Variants in FANCD2 observed in about 807,000 individuals in gnomAD.
FANCD2 encodes Fanconi anemia group D2 protein.
FANCD2 carries 131 observed loss-of-function variants against 192.3 expected under a neutral mutation model. The observed-to-expected ratio is 0.68, with a 90% CI of 0.59 to 0.79. The LOEUF (loss-of-function observed/expected upper bound fraction) is 0.79. Among genes scored for constraint, FANCD2 ranks in the 30% least tolerant of loss-of-function variants. FANCD2 has a pLI of 0.00. For missense variants in FANCD2, 1,508 were observed against 1,701.6 expected (o/e 0.89, Z 2.00); for synonymous variants, 524 against 612.5 (o/e 0.86, Z 2.13).
chr3:10,066,905 G>C (rs1354305661), intron 25 of FANCD2, among the ~76,000 whole-genome samples: 1 of 151,902 alleles, frequency 6.6e-6, no homozygotes, highest in Non-Finnish European at 1.5e-5. Flanking sequence ...TTGTATTTTT[G>C]GTAGACATGG....
At position 10,101,139 on chromosome 3, in the gene FANCD2, C is replaced by T. The variant is rs1419907540; in HGVS notation, c.4282-49C>T. Reference sequence around the variant, plus strand: ...TCTAGGAGCTGTATTCCAGAGGTCACCCAGAGCAGTAACCTAAAATGCTTA... The same window carrying T: ...TCTAGGAGCTGTATTCCAGAGGTCATCCAGAGCAGTAACCTAAAATGCTTA... On this transcript the variant is annotated intron_variant, in intron 43 of 43. Transcript: ENST00000675286. 3 of 1,403,804 alleles carry T rather than the reference C, an allele frequency of 2.1e-6. No individual in the cohort carries two copies. The East Asian group carries it at 6.8e-5, about 32-fold the overall frequency. 87.0% of individuals were successfully genotyped at this position (1,403,804 alleles called of 1,614,324 possible).
At chr3:10,091,351 G>A (rs1694597379) in intron 37 of FANCD2, among the ~76,000 whole-genome samples, 1 of 150,612 alleles carries the variant, frequency 6.6e-6, no homozygotes, top group African/African-American at 2.4e-5. Flanking sequence ...AAAGTGCTGG[G>A]ATTATAGGCA....
At chr3:10,057,938 AT>A (rs978701652) in intron 18 of FANCD2, 16 of 297,212 alleles carry the variant, frequency 5.4e-5, no homozygotes, top group African/African-American at 3.3e-4. Context: ...GTCATGAGAT[AT>A]TTGTTTTGTA....
rs1695307966 is a variant in FANCD2, at chr3:10,101,667, G to A, written c.*405G>A. Reference sequence around the variant, plus strand: ...CAAAGTGCTGGGATTACAGGCATGAGCCACCGCTCCCAGCCATATTTTGTT... The same window carrying A: ...CAAAGTGCTGGGATTACAGGCATGAACCACCGCTCCCAGCCATATTTTGTT... On this transcript the variant is annotated 3_prime_UTR_variant, in exon 44 of 44. Coordinates refer to ENST00000675286, the MANE Select transcript of FANCD2 (RefSeq NM_001018115.3). 1 of 289,820 alleles carries A rather than the reference G, an allele frequency of 3.5e-6. No homozygotes were observed. The highest frequency in any genetic ancestry group is 6.6e-6 in the Non-Finnish European group (1 of 151,210). 18.0% of individuals were successfully genotyped at this position (289,820 alleles called of 1,614,324 possible). A position where few individuals can be genotyped will look rare whatever the true frequency, so the allele number is the denominator to read the frequency against.
At chr3:10,043,446 C>T (rs9809061) in intron 12 of FANCD2, 38 bp from the exon 13 acceptor site, 18 of 1,512,324 alleles carry the variant, frequency 1.2e-5, no homozygotes, top group East Asian at 6.8e-5. Context: ...TTTTCTGGTA[C>T]GTAGAAGAGT....
At chr3:10,097,552 G>A (rs534324594) in intron 42 of FANCD2, among the ~76,000 whole-genome samples, 1 of 152,362 alleles carries the variant, frequency 6.6e-6, no homozygotes, top group African/African-American at 2.4e-5. Flanking sequence ...GGCGGTCAGA[G>A]TTTAAGGTTA....
chr3:10,066,869 T>C (rs1323825393), intron 25 of FANCD2, among the ~76,000 whole-genome samples: 4 of 152,230 alleles, frequency 2.6e-5, no homozygotes, highest in East Asian at 1.9e-4. Context: ...GGATTACAGA[T>C]GTGTGCCACC....
intron 32 of FANCD2, 32 bp downstream of exon 32, chr3:10,081,496 G>A (rs765934352): frequency 7.8e-6 from 11 of 1,401,770 alleles, no homozygotes; most frequent in African/African-American, 1.4e-5. Flanking sequence ...AGAGAACTGA[G>A]TATATACTTG....
intron 14 of FANCD2, among the ~76,000 whole-genome samples, chr3:10,045,203 C>T (rs1325820931): frequency 1.3e-5 from 2 of 151,560 alleles, no homozygotes; most frequent in East Asian, 1.9e-4. Flanking sequence ...GGTTCTCACT[C>T]TGTCACCTAG....
In FANCD2 at chr3:10,040,541, T is replaced by C. The variant is rs141084789; in HGVS notation, c.695+696T>C. 2,416 of 456,696 alleles carry C rather than the reference T, an allele frequency of 5.3e-3. 15 individuals carry two copies. The highest frequency in any genetic ancestry group is 7.2e-3 in the Non-Finnish European group (1,626 of 226,956). The allele number at this position is 456,696 out of a possible 1,614,324, so 28.3% of individuals were successfully genotyped here. A position where few individuals can be genotyped will look rare whatever the true frequency, so the allele number is the denominator to read the frequency against. On this transcript the variant is annotated intron_variant, in intron 9 of 43. Coordinates refer to ENST00000675286, the MANE Select transcript of FANCD2 (RefSeq NM_001018115.3). Reference sequence around the variant, plus strand: ...CTACCTTCTTTGGGTTCCTAGGTGATTCATTCTAATGCACAGTCCTGCATC... The same window carrying C: ...CTACCTTCTTTGGGTTCCTAGGTGACTCATTCTAATGCACAGTCCTGCATC...
intron 43 of FANCD2, among the ~76,000 whole-genome samples, chr3:10,100,484 G>C (rs974565226): frequency 6.6e-6 from 1 of 152,148 alleles, no homozygotes; most frequent in East Asian, 1.9e-4. Context: ...CAATTCTCCT[G>C]CCTCAGCCTT....
At chr3:10,043,221 C>A in intron 12 of FANCD2, 71 bp downstream of exon 12, 1 of 1,097,248 alleles carries the variant, frequency 9.1e-7, no homozygotes, top group Non-Finnish European at 1.4e-6. Flanking sequence ...GAGCTTAATA[C>A]TACTACAAAT....
intron 29 of FANCD2, 86 bp downstream of exon 29, chr3:10,074,759 C>A: frequency 7.8e-7 from 1 of 1,286,928 alleles, no homozygotes; most frequent in Non-Finnish European, 1.1e-6. Flanking sequence ...AACACTGTGA[C>A]ACTGAGGAGA....
chr3:10,099,356 C>T (rs1231792608), intron 43 of FANCD2: 14 of 1,180,306 alleles, frequency 1.2e-5, no homozygotes, highest in Middle Eastern at 3.6e-4. Context: ...GGCGCAGTGG[C>T]TCATGCTTGT....
chr3:10,030,383 C>A (rs1314153737), intron 2 of FANCD2, among the ~76,000 whole-genome samples: 1 of 152,140 alleles, frequency 6.6e-6, no homozygotes, highest in African/African-American at 2.4e-5. Context: ...GGACGTGAGC[C>A]ACCATGCCTG....
chr3:10,062,839 C>T (rs540542282), intron 20 of FANCD2, among the ~76,000 whole-genome samples: 3 of 152,240 alleles, frequency 2.0e-5, no homozygotes, highest in Admixed American at 6.5e-5. Flanking sequence ...GCATGCACCA[C>T]CATGCCCAGT....
rs562627987 is a variant in FANCD2 at position 10,086,174 on chromosome 3, A to G, written c.3335+252A>G. Among the ~76,000 whole-genome samples, 12 of 152,352 alleles carry G rather than the reference A, an allele frequency of 7.9e-5. No individual in the cohort carries two copies. The South Asian group carries it at 2.5e-3, about 32-fold the overall frequency. ...AACTCAGCCTTTTCAAGTAATAATG[A>G]TGAAAACATTGACCATCTGTAATCA... is the stretch of plus-strand genomic sequence containing the variant. On this transcript the variant is annotated intron_variant, in intron 33 of 43. Coordinates refer to ENST00000675286, the MANE Select transcript of FANCD2 (RefSeq NM_001018115.3).
intron 7 of FANCD2, among the ~76,000 whole-genome samples, chr3:10,038,200 C>CA (rs1559372409): frequency 6.6e-6 from 1 of 152,168 alleles, no homozygotes; most frequent in Non-Finnish European, 1.5e-5. Flanking sequence ...CCATGTTGGC[C>CA]AGGCTGGCCT....
At chr3:10,030,328 C>T (rs1342383854) in intron 2 of FANCD2, among the ~76,000 whole-genome samples, 4 of 151,830 alleles carry the variant, frequency 2.6e-5, no homozygotes, top group Non-Finnish European at 5.9e-5. Flanking sequence ...AACTCCTGAC[C>T]TCCGGTAATC....
Sources: allele counts gnomAD v4.1 joint callset (sites outside exome capture counted in the v4.1 genomes callset), GRCh38; gene constraint gnomAD v4.1.1; transcripts MANE v1.5; gene names NCBI Gene and HGNC (gene_info 2026-07-23, HGNC 2026-07-21).